The following ARHGEF12 variants were observed in gnomAD, a reference collection of about 807,000 sequenced individuals.
The protein encoded by ARHGEF12 is KMT2A/ARHGEF12 fusion protein.
Under a neutral mutation model 211.2 loss-of-function variants are expected in ARHGEF12, and 66 were observed. The ratio of observed to expected loss-of-function variants is 0.31; its 90% CI spans 0.26 to 0.38. The LOEUF (loss-of-function observed/expected upper bound fraction) is 0.38. Among genes scored for constraint, ARHGEF12 ranks in the 10% least tolerant of loss-of-function variants. The pLI, the probability that ARHGEF12 is intolerant of heterozygous loss-of-function variation, is 1.00. For synonymous variants in ARHGEF12, 592 were observed against 638.4 expected, an observed-to-expected ratio of 0.93 and a Z score of 1.09; for missense variants, 1,429 against 1,869.5, an observed-to-expected ratio of 0.76 and a Z score of 4.34.
intron 28 of ARHGEF12, among the ~76,000 whole-genome samples, 161 bp downstream of exon 28, chr11:120,465,523 A>G (rs1382257198): frequency 7.2e-5 from 11 of 152,036 alleles, no homozygotes; most frequent in Admixed American, 3.9e-4. Context: ...CTGGAGTGCA[A>G]TGGCACAATC....
In ARHGEF12 at chr11:120,381,635, G is replaced by A. The variant is rs542604539; in HGVS notation, c.33-24483G>A. 4.6e-5 allele frequency among the ~76,000 whole-genome samples: 7 copies of A among 152,226 alleles called. No individual in the cohort carries two copies. In the South Asian group the frequency reaches 1.0e-3, roughly 23 times the overall value. On this transcript the variant is annotated intron_variant, in intron 1 of 40. Transcript: ENST00000397843. Reference sequence around the variant, plus strand: ...ACATTTCATCTTGGGATCCTCTGACGTTTTGGTTGATGTTAGTGGTTGTTG... The same window carrying A: ...ACATTTCATCTTGGGATCCTCTGACATTTTGGTTGATGTTAGTGGTTGTTG...
At chr11:120,357,328 C>T (rs1005105885) in intron 1 of ARHGEF12, among the ~76,000 whole-genome samples, 1 of 152,154 alleles carries the variant, frequency 6.6e-6, no homozygotes, top group Non-Finnish European at 1.5e-5. Context: ...CTATCCTATA[C>T]TGCCAGATAT....
intron 4 of ARHGEF12, among the ~76,000 whole-genome samples, chr11:120,414,534 T>C (rs182260728): frequency 2.1e-4 from 32 of 152,286 alleles, no homozygotes; most frequent in African/African-American, 6.5e-4. Context: ...GATACAAAGA[T>C]ATAAGTGACT....
chr11:120,432,023 C>G (rs1004335526), intron 11 of ARHGEF12, 112 bp downstream of exon 11: 5 of 992,124 alleles, frequency 5.0e-6, no homozygotes, highest in Admixed American at 3.6e-5. Flanking sequence ...TTTTTACCAT[C>G]CCCATTTTTA....
At chr11:120,440,005 G>A (rs1299722316) in intron 12 of ARHGEF12, 124 bp from the exon 13 acceptor site, 2 of 713,762 alleles carry the variant, frequency 2.8e-6, no homozygotes, top group Non-Finnish European at 4.7e-6. Flanking sequence ...TACTTCAAAG[G>A]AAATAAACAA....
chr11:120,478,890 A>G (rs1471030131), intron 37 of ARHGEF12, among the ~76,000 whole-genome samples: 1 of 152,228 alleles, frequency 6.6e-6, no homozygotes, highest in East Asian at 1.9e-4. Context: ...AATGCTTAAA[A>G]TAATTGACTT....
At chr11:120,375,821 A>G (rs1943708301) in intron 1 of ARHGEF12, among the ~76,000 whole-genome samples, 1 of 152,036 alleles carries the variant, frequency 6.6e-6, no homozygotes, top group African/African-American at 2.4e-5. Context: ...CATGTTCCTT[A>G]GCCTCCTCTT....
chr11:120,347,131 C>G (rs907653215), intron 1 of ARHGEF12, among the ~76,000 whole-genome samples: 1 of 130,150 alleles, frequency 7.7e-6, no homozygotes, highest in Non-Finnish European at 1.6e-5. Flanking sequence ...TTCTTTCTTT[C>G]TTTCCTTCCT....
At chr11:120,362,838 T>A (rs1468558238) in intron 1 of ARHGEF12, among the ~76,000 whole-genome samples, 1 of 152,194 alleles carries the variant, frequency 6.6e-6, no homozygotes, top group Non-Finnish European at 1.5e-5. Flanking sequence ...CAGTGGCTCA[T>A]GCCTGTAATC....
At position 120,446,441 on chromosome 11, in the gene ARHGEF12, C is replaced by T. The variant is rs1403165805; in HGVS notation, c.1384C>T (p.Arg462Cys). The T allele has an allele frequency of 8.7e-6, 14 of 1,612,834 alleles. No individual in the cohort carries two copies. The highest frequency in any genetic ancestry group is 1.7e-5 in the Admixed American group (1 of 59,924). The change falls in exon 17 of 41, where the codon CGC becomes TGC. Residue 462 changes from arginine (R) to cysteine (C), a missense_variant. Transcript: ENST00000397843. ...TGAGCTCATTCCTGAGGATCTGCAT[C>T]GCCACTATATCCAAACTATGCAAGA... Reference protein sequence around the residue: ...RPELIPEDLHRHYIQTMQERV... With the variant: ...RPELIPEDLHCHYIQTMQERV...
chr11:120,485,381 G>C lies in ARHGEF12; in HGVS notation c.*304G>C. 3.2e-6 allele frequency: 1 copy of C among 308,566 alleles called. No individual in the cohort carries two copies. Among genetic ancestry groups the C allele is most frequent in the Non-Finnish European group, 6.0e-6 (1 of 166,834 alleles). 19.1% of individuals were successfully genotyped at this position (308,566 alleles called of 1,614,324 possible). On this transcript the variant is annotated 3_prime_UTR_variant, in exon 41 of 41. Coordinates refer to ENST00000397843, the MANE Select transcript of ARHGEF12 (RefSeq NM_015313.3). ...AGCTTTGGGTGTAGGATATGAAATT[G>C]TACTTAGATTTAAGAAAAAGAGAAA...
At chr11:120,378,173 A>G (rs1943784159) in intron 1 of ARHGEF12, among the ~76,000 whole-genome samples, 1 of 152,184 alleles carries the variant, frequency 6.6e-6, no homozygotes, top group Non-Finnish European at 1.5e-5. Context: ...ATCCTCATCA[A>G]CACTTGGTAG....
intron 15 of ARHGEF12, among the ~76,000 whole-genome samples, chr11:120,444,366 T>C (rs1421472956): frequency 1.3e-5 from 2 of 152,216 alleles, no homozygotes; most frequent in Non-Finnish European, 2.9e-5. Flanking sequence ...CCTTACACTT[T>C]GATTAATTTG....
At chr11:120,444,297 C>G (rs2135800139) in intron 15 of ARHGEF12, among the ~76,000 whole-genome samples, 2 of 152,118 alleles carry the variant, frequency 1.3e-5, no homozygotes, top group Middle Eastern at 3.4e-3. Flanking sequence ...CAAGCTAAGT[C>G]AAAACTTTAC....
rs1947474907 is a variant in ARHGEF12 at position 120,489,222 on chromosome 11, G to A, written c.*4145G>A. On this transcript the variant is annotated 3_prime_UTR_variant, in exon 41 of 41. Coordinates refer to ENST00000397843, the MANE Select transcript of ARHGEF12 (RefSeq NM_015313.3). ...AGTGCTGGCAGGTGGGCTTGCCCTA[G>A]CATGTGGGGCAGGTTTGTTGTTTTT... 4.4e-6 allele frequency: 1 copy of A among 228,546 alleles called. No homozygotes were observed. Among genetic ancestry groups the A allele is most frequent in the Non-Finnish European group, 8.7e-6 (1 of 114,978 alleles). 14.2% of individuals were successfully genotyped at this position (228,546 alleles called of 1,614,324 possible). A position where few individuals can be genotyped will look rare whatever the true frequency, so the allele number is the denominator to read the frequency against.
chr11:120,354,134 G>A (rs1943068590), intron 1 of ARHGEF12, among the ~76,000 whole-genome samples: 1 of 152,178 alleles, frequency 6.6e-6, no homozygotes, highest in South Asian at 2.1e-4. Context: ...CCACAGAGAT[G>A]CCTGTGAGAA....
chr11:120,469,469 G>A (rs2135948270), intron 30 of ARHGEF12, 81 bp downstream of exon 30: 1 of 1,153,810 alleles, frequency 8.7e-7, no homozygotes. Context: ...TGAAATAGTT[G>A]TTAAAACTAT....
intron 5 of ARHGEF12, 109 bp downstream of exon 5, chr11:120,420,960 T>C: frequency 1.1e-6 from 1 of 902,396 alleles, no homozygotes; most frequent in Non-Finnish European, 1.7e-6. Flanking sequence ...TTGCAGGTCA[T>C]GTGGACTATT....
chr11:120,356,089 A>AT (rs1231926489), intron 1 of ARHGEF12, among the ~76,000 whole-genome samples: 1 of 152,240 alleles, frequency 6.6e-6, no homozygotes, highest in African/African-American at 2.4e-5. Flanking sequence ...ATTTCATGTG[A>AT]TTCAGGCTAG....
Sources: gnomAD v4.1 joint callset for allele counts (sites outside exome capture counted in the v4.1 genomes callset) on GRCh38, gnomAD v4.1.1 for gene constraint, MANE v1.5 for transcripts, NCBI Gene and HGNC (gene_info 2026-07-23, HGNC 2026-07-21) for gene names.